The following NRXN1 variants were observed in gnomAD, a reference collection of about 807,000 sequenced individuals.
NRXN1 encodes neurexin 1.
In NRXN1, 39 loss-of-function variants were observed where a neutral mutation model predicts 150.9. The ratio of observed to expected loss-of-function variants is 0.26; its 90% CI spans 0.20 to 0.34. The LOEUF is 0.34. NRXN1 is among the 10% of genes least tolerant of loss of function. NRXN1 has a pLI of 1.00. For synonymous variants in NRXN1, 924 were observed against 757.0 expected (o/e 1.22, Z -3.62); for missense variants, 1,815 against 1,949.9 (o/e 0.93, Z 1.30).
intron 15 of NRXN1, among the ~76,000 whole-genome samples, chr2:50,474,698 A>AG (rs1183375582): frequency 2.0e-5 from 3 of 150,428 alleles, no homozygotes; most frequent in African/African-American, 7.3e-5. Flanking sequence ...AAAAAAAAAA[A>AG]AAAAAAAAGT....
At chr2:50,302,500 G>C (rs1023669453) in intron 17 of NRXN1, among the ~76,000 whole-genome samples, 14 of 152,124 alleles carry the variant, frequency 9.2e-5, no homozygotes, top group Non-Finnish European at 2.1e-4. Flanking sequence ...AGAATGCCTT[G>C]ATTGACAATT....
At chr2:50,693,857 C>A in intron 5 of NRXN1, among the ~76,000 whole-genome samples, 1 of 152,132 alleles carries the variant, frequency 6.6e-6, no homozygotes, top group Non-Finnish European at 1.5e-5. Flanking sequence ...AGTGGTGCAA[C>A]CGTAGCTTAT....
chr2:50,279,105 G>C (rs1287019307), intron 17 of NRXN1, among the ~76,000 whole-genome samples: 1 of 152,060 alleles, frequency 6.6e-6, no homozygotes, highest in South Asian at 2.1e-4. Flanking sequence ...TATTTTGTGG[G>C]AACCACTCTT....
chr2:49,974,537 T>A (rs181781583), intron 21 of NRXN1, among the ~76,000 whole-genome samples: 4 of 152,330 alleles, frequency 2.6e-5, no homozygotes, highest in Admixed American at 2.6e-4. Context: ...TTTCTTGAGA[T>A]AATTATCTTT....
chr2:50,948,148 T>C (rs1204696988), intron 2 of NRXN1, among the ~76,000 whole-genome samples: 1 of 151,966 alleles, frequency 6.6e-6, no homozygotes, highest in Non-Finnish European at 1.5e-5. Flanking sequence ...AAGCCATTTG[T>C]CTCTAAATAC....
chr2:50,574,081 A>T (rs1558957786), intron 8 of NRXN1, among the ~76,000 whole-genome samples: 1 of 152,118 alleles, frequency 6.6e-6, no homozygotes, highest in Non-Finnish European at 1.5e-5. Flanking sequence ...CTGGGTTTTA[A>T]AAGGCCTTAA....
At chr2:50,145,760 T>C (rs1187939223) in intron 18 of NRXN1, among the ~76,000 whole-genome samples, 1 of 151,676 alleles carries the variant, frequency 6.6e-6, no homozygotes, top group Non-Finnish European at 1.5e-5. Flanking sequence ...TTTGGAATTA[T>C]AGATGGGTAA....
intron 17 of NRXN1, among the ~76,000 whole-genome samples, chr2:50,259,168 G>A (rs572752771): frequency 7.9e-5 from 12 of 152,074 alleles, no homozygotes; most frequent in African/African-American, 2.9e-4. Context: ...CTTTTCAGCT[G>A]TGAAAGAAGA....
At chr2:50,520,851 A>C (rs936833388) in intron 12 of NRXN1, among the ~76,000 whole-genome samples, 1 of 152,070 alleles carries the variant, frequency 6.6e-6, no homozygotes, top group African/African-American at 2.4e-5. Flanking sequence ...TACTAAGAGA[A>C]CACCTGCATT....
intron 18 of NRXN1, among the ~76,000 whole-genome samples, chr2:50,157,947 T>G (rs1348839537): frequency 1.5e-5 from 2 of 136,978 alleles, no homozygotes; most frequent in African/African-American, 2.7e-5. Context: ...CCCCCGAGAG[T>G]GGATAGATGA....
intron 11 of NRXN1, among the ~76,000 whole-genome samples, chr2:50,529,583 A>G (rs1257061627): frequency 6.6e-6 from 1 of 152,184 alleles, no homozygotes; most frequent in Non-Finnish European, 1.5e-5. Flanking sequence ...ACATAAAAAA[A>G]TAAACCTAGA....
Position 50,347,099 on chromosome 2 carries a change from A to G in NRXN1, c.3365-110129T>C, listed in dbSNP as rs1239260906. 2.9e-6 allele frequency: 4 copies of G among 1,385,936 alleles called. No individual in the cohort carries two copies. The highest frequency in any genetic ancestry group is 3.8e-6 in the Non-Finnish European group (4 of 1,053,686). The allele number at this position is 1,385,936 out of a possible 1,614,324, so 85.9% of individuals were successfully genotyped here. A position where few individuals can be genotyped will look rare whatever the true frequency, so the allele number is the denominator to read the frequency against. The stretch of plus-strand genomic sequence containing the variant: ...GGCACCCATCCTCTCCCTCCTTCGG[A>G]CAGTCTTCTCGGGGTCCTGGAGTCC... On this transcript the variant is annotated intron_variant, in intron 17 of 22. Transcript: ENST00000401669. The surrounding 1 kb of genome is among the most constrained non-coding windows in gnomAD (Gnocchi z 4.9).
chr2:50,469,230 G>A (rs913703071), intron 16 of NRXN1, among the ~76,000 whole-genome samples: 30 of 151,558 alleles, frequency 2.0e-4, no homozygotes, highest in Non-Finnish European at 3.2e-4. Flanking sequence ...TCTGATATAG[G>A]CTAACATTCA....
intron 17 of NRXN1, among the ~76,000 whole-genome samples, chr2:50,294,900 T>C (rs903170391): frequency 1.3e-5 from 2 of 152,176 alleles, no homozygotes; most frequent in African/African-American, 4.8e-5. Flanking sequence ...CTTATCCCTA[T>C]CAGTCGATGG....
At chr2:49,942,378 A>C (rs1440754445) in intron 22 of NRXN1, among the ~76,000 whole-genome samples, 2 of 152,096 alleles carry the variant, frequency 1.3e-5, no homozygotes, top group Admixed American at 6.5e-5. Flanking sequence ...GGGGGAAGTG[A>C]TATTCAAATA....
At chr2:50,854,712 TTAAGCGGTTTCAG>T (rs1675013544) in intron 5 of NRXN1, among the ~76,000 whole-genome samples, 1 of 152,080 alleles carries the variant, frequency 6.6e-6, no homozygotes, top group Admixed American at 6.6e-5. Flanking sequence ...TCTGACAACG[TTAAGCGGTTTCAG>T]TAAGTGGTAT....
chr2:50,842,818 C>T (rs1331835612), intron 5 of NRXN1, among the ~76,000 whole-genome samples: 1 of 152,148 alleles, frequency 6.6e-6, no homozygotes, highest in Non-Finnish European at 1.5e-5. Flanking sequence ...TGTAAGTGTG[C>T]ATTCCCTCCC....
chr2:50,154,093 G>C (rs544143828), intron 18 of NRXN1, among the ~76,000 whole-genome samples: 8 of 151,774 alleles, frequency 5.3e-5, no homozygotes, highest in Admixed American at 2.0e-4. Flanking sequence ...ACTTCAGACA[G>C]ATTGTATCAG....
intron 17 of NRXN1, among the ~76,000 whole-genome samples, chr2:50,326,690 G>A (rs2076405475): frequency 6.6e-6 from 1 of 152,090 alleles, no homozygotes; most frequent in Admixed American, 6.5e-5. Context: ...CTTTTGCTAT[G>A]TATATAATTA....
Sources: gnomAD v4.1 joint callset for allele counts (sites outside exome capture counted in the v4.1 genomes callset) on GRCh38, gnomAD v4.1.1 for gene constraint, Gnocchi (gnomAD v3.1) non-coding constraint, MANE v1.5 for transcripts, NCBI Gene and HGNC (gene_info 2026-07-23, HGNC 2026-07-21) for gene names.